AFF2: variants seen among roughly 807,000 people sequenced by gnomAD.
The protein encoded by AFF2 is AF4/FMR2 family member 2.
AFF2 carries 14 observed loss-of-function variants against 76.9 expected under a neutral mutation model. That is an observed-to-expected ratio of 0.18 (90% CI 0.12 to 0.28). The LOEUF is 0.28. Ranked by LOEUF, AFF2 falls within the 10% of genes least tolerant of loss-of-function variation. The pLI is 1.00. For synonymous variants in AFF2, 398 were observed against 366.7 expected (o/e 1.09, Z -0.98); for missense variants, 868 against 1,001.1 (o/e 0.87, Z 1.79).
chrX:148,862,741 C>T (rs2070864231), intron 7 of AFF2, among the ~76,000 whole-genome samples: 1 of 112,346 alleles, frequency 8.9e-6, no homozygotes, highest in Non-Finnish European at 1.9e-5. Flanking sequence ...TTTCTGTGTG[C>T]ACAGTACTTC....
chrX:148,961,175 C>T (rs1302314733), intron 12 of AFF2, among the ~76,000 whole-genome samples: 1 of 112,121 alleles, frequency 8.9e-6, no homozygotes, highest in Non-Finnish European at 1.9e-5. Context: ...CCCAGTTTCT[C>T]CTCAGGCAGC....
At chrX:148,503,571 A>G (rs782574896) in intron 1 of AFF2, among the ~76,000 whole-genome samples, 44 of 112,477 alleles carry the variant, frequency 3.9e-4, no homozygotes, top group Non-Finnish European at 8.3e-4. Context: ...ATGTCTGACA[A>G]TAAATGGATC....
intron 1 of AFF2, among the ~76,000 whole-genome samples, chrX:148,506,328 C>T (rs782346282): frequency 3.3e-4 from 37 of 111,514 alleles, no homozygotes; most frequent in Non-Finnish European, 6.4e-4. Flanking sequence ...GGGTTCTTGC[C>T]ATTTTATTGA....
At chrX:148,967,753 A>G (rs1203970703) in intron 15 of AFF2, 61 bp downstream of exon 15, 4 of 1,097,571 alleles carry the variant, frequency 3.6e-6, no homozygotes, top group Non-Finnish European at 5.0e-6. Context: ...AAAGGAAAAC[A>G]AAGAAAGCAC....
At chrX:148,751,857 C>T (rs782791085) in intron 3 of AFF2, among the ~76,000 whole-genome samples, 12 of 111,964 alleles carry the variant, frequency 1.1e-4, no homozygotes, top group Non-Finnish European at 2.1e-4. Flanking sequence ...AACAAAGTAC[C>T]GTAAACTAGA....
intron 1 of AFF2, among the ~76,000 whole-genome samples, chrX:148,561,164 G>GTGAATGAATGAGT (rs1420108940): frequency 1.8e-5 from 2 of 112,407 alleles, no homozygotes; most frequent in Non-Finnish European, 3.8e-5. Flanking sequence ...CAAAACATGA[G>GTGAATGAATGAGT]TGAATGAATG....
intron 1 of AFF2, among the ~76,000 whole-genome samples, chrX:148,588,143 T>C (rs1557246124): frequency 3.5e-5 from 4 of 113,054 alleles, no homozygotes; most frequent in Non-Finnish European, 7.5e-5. Flanking sequence ...TGTATTCACA[T>C]GGGTCTTATA....
intron 13 of AFF2, among the ~76,000 whole-genome samples, chrX:148,965,073 T>C (rs2072155603): frequency 8.9e-6 from 1 of 112,057 alleles, no homozygotes; most frequent in Admixed American, 9.4e-5. Context: ...GAGTTTGCAT[T>C]TGAGTGCAGA....
At chrX:148,757,402 G>A (rs1417077765) in intron 3 of AFF2, among the ~76,000 whole-genome samples, 1 of 111,391 alleles carries the variant, frequency 9.0e-6, no homozygotes, top group Admixed American at 9.6e-5. Flanking sequence ...GTGTGTCTAT[G>A]TATATGTGTG....
At chrX:148,544,573 C>T (rs1010384686) in intron 1 of AFF2, among the ~76,000 whole-genome samples, 1 of 112,450 alleles carries the variant, frequency 8.9e-6, no homozygotes, top group East Asian at 2.8e-4. Flanking sequence ...GCAGATTTTC[C>T]TACATGTTGA....
At chrX:148,567,224 C>T (rs190824266) in intron 1 of AFF2, among the ~76,000 whole-genome samples, 134 of 111,730 alleles carry the variant, frequency 1.2e-3, no homozygotes, top group Middle Eastern at 4.6e-3. Context: ...TAAGCACACC[C>T]CTAGTTCAAT....
intron 9 of AFF2, among the ~76,000 whole-genome samples, chrX:148,904,861 T>C (rs2071391363): frequency 8.9e-6 from 1 of 112,374 alleles, no homozygotes; most frequent in African/African-American, 3.2e-5. Context: ...AGACATCCTG[T>C]CTCTTCCAGA....
chrX:148,842,904 T>C (rs2070617546), intron 5 of AFF2, 62 bp from the exon 6 acceptor site: 2 of 942,823 alleles, frequency 2.1e-6, no homozygotes, highest in Admixed American at 5.5e-5. Flanking sequence ...ATAATTAATA[T>C]ACCTCTTACT....
chrX:148,526,216 A>G (rs1305972953), intron 1 of AFF2, among the ~76,000 whole-genome samples: 5 of 111,333 alleles, frequency 4.5e-5, no homozygotes, highest in Non-Finnish European at 9.4e-5. Context: ...ATAATCCATT[A>G]CTATCATCAT....
At chrX:148,706,905 A>G (rs2054891962) in intron 3 of AFF2, among the ~76,000 whole-genome samples, 1 of 112,487 alleles carries the variant, frequency 8.9e-6, no homozygotes, top group Admixed American at 9.4e-5. Context: ...GTCTGGTGTT[A>G]GAGCCAAGCT....
At chrX:148,591,544 C>A (rs1215275244) in intron 1 of AFF2, among the ~76,000 whole-genome samples, 1 of 112,437 alleles carries the variant, frequency 8.9e-6, no homozygotes, top group Non-Finnish European at 1.9e-5. Flanking sequence ...CAAAAAGTGC[C>A]ACGCATATGC....
chrX:148,881,182 T>A (rs781923770), intron 7 of AFF2, among the ~76,000 whole-genome samples: 3 of 111,966 alleles, frequency 2.7e-5, no homozygotes, highest in Non-Finnish European at 5.6e-5. Flanking sequence ...AAAGGCACTG[T>A]GTAGGCTTGC....
chrX:148,925,463 G>C (rs2071640534), intron 9 of AFF2, among the ~76,000 whole-genome samples: 1 of 112,471 alleles, frequency 8.9e-6, no homozygotes, highest in African/African-American at 3.2e-5. Flanking sequence ...CTTGTCCCAA[G>C]GGATGCTAAG....
chrX:148,726,700 A>T (rs1557264275), intron 3 of AFF2, among the ~76,000 whole-genome samples: 1 of 112,149 alleles, frequency 8.9e-6, no homozygotes, highest in East Asian at 2.8e-4. Context: ...GGTCTGTGTT[A>T]AAAAGCCAGG....
Sources: gnomAD v4.1 joint callset for allele counts (sites outside exome capture counted in the v4.1 genomes callset) on GRCh38, gnomAD v4.1.1 for gene constraint, MANE v1.5 for transcripts, NCBI Gene and HGNC (gene_info 2026-07-23, HGNC 2026-07-21) for gene names.